Variants in MLIP observed in about 807,000 individuals in gnomAD.
MLIP encodes the protein muscular LMNA interacting protein.
A neutral mutation model predicts 84.8 loss-of-function variants in MLIP; 79 were observed. That is an observed-to-expected ratio of 0.93 (90% CI 0.78 to 1.12). MLIP has a LOEUF of 1.12. MLIP is among the 50% of genes most tolerant of loss of function. The probability of loss-of-function intolerance (pLI) is 0.00; values close to 1 mark genes in which losing one functional copy is unlikely to be tolerated. For synonymous variants in MLIP, 504 were observed against 463.0 expected (o/e 1.09, Z -1.14); for missense variants, 1,257 against 1,160.6 (o/e 1.08, Z -1.21).
chr6:54,110,816 A>G (rs181478000), upstream of MLIP, among the ~76,000 whole-genome samples: 14 of 152,368 alleles, frequency 9.2e-5, no homozygotes, highest in Admixed American at 7.8e-4. Context: ...TGCAGTCAGG[A>G]TTCTCACTGT....
intron 4 of MLIP, 81 bp from the exon 5 acceptor site, chr6:54,148,975 A>G: frequency 1.7e-6 from 2 of 1,155,162 alleles, no homozygotes; most frequent in South Asian, 2.6e-5. Context: ...GTATCATTTA[A>G]CTTGGTAGAA....
At chr6:54,213,907 C>T (rs959708734) in intron 11 of MLIP, among the ~76,000 whole-genome samples, 6 of 151,724 alleles carry the variant, frequency 4.0e-5, no homozygotes, top group African/African-American at 1.5e-4. Flanking sequence ...ATAATAAAAC[C>T]ATGGTCTATT....
chr6:54,184,054 G>A (rs905841662), intron 9 of MLIP, among the ~76,000 whole-genome samples: 2 of 152,076 alleles, frequency 1.3e-5, no homozygotes, highest in African/African-American at 4.8e-5. Flanking sequence ...TCAATGCCAA[G>A]CTTAGCACTC....
chr6:54,054,049 C>T (rs1375407353), intron 1 of MLIP, among the ~76,000 whole-genome samples: 2 of 152,166 alleles, frequency 1.3e-5, no homozygotes, highest in East Asian at 3.9e-4. Flanking sequence ...AGAAATGTAC[C>T]TATGTGCCAC....
At chr6:54,050,128 C>T (rs911932082) in intron 1 of MLIP, among the ~76,000 whole-genome samples, 1 of 151,996 alleles carries the variant, frequency 6.6e-6, no homozygotes, top group Non-Finnish European at 1.5e-5. Context: ...ATCTGAAGCT[C>T]TAGTGTCTAT....
intron 1 of MLIP, among the ~76,000 whole-genome samples, chr6:54,037,317 C>T (rs1764501634): frequency 6.6e-6 from 1 of 151,950 alleles, no homozygotes; most frequent in Non-Finnish European, 1.5e-5. Flanking sequence ...TCTTCTATGG[C>T]TTTCCTGGAC....
chr6:54,072,024 G>A (rs1025220038), intron 1 of MLIP, among the ~76,000 whole-genome samples: 2 of 152,070 alleles, frequency 1.3e-5, no homozygotes, highest in African/African-American at 4.8e-5. Context: ...TCAGAGAAAC[G>A]GATCATCCTG....
chr6:54,030,147 A>AGT (rs1254954653), intron 1 of MLIP, among the ~76,000 whole-genome samples: 1 of 152,230 alleles, frequency 6.6e-6, no homozygotes, highest in Admixed American at 6.5e-5. Context: ...CCCACTAGGA[A>AGT]GTGTGCCTTG....
intron 3 of MLIP, among the ~76,000 whole-genome samples, chr6:54,129,768 A>G (rs1771228202): frequency 6.6e-6 from 1 of 152,192 alleles, no homozygotes; most frequent in Non-Finnish European, 1.5e-5. Flanking sequence ...GTTCATGGCC[A>G]TCAGCTGGAT....
intron 1 of MLIP, among the ~76,000 whole-genome samples, chr6:54,086,001 C>G (rs1767462365): frequency 6.6e-6 from 1 of 152,128 alleles, no homozygotes; most frequent in Non-Finnish European, 1.5e-5. Flanking sequence ...CCCAGACCTG[C>G]CATGACAGCC....
intron 1 of MLIP, among the ~76,000 whole-genome samples, chr6:54,034,555 T>TA (rs1435318619): frequency 6.6e-6 from 1 of 152,030 alleles, no homozygotes; most frequent in Non-Finnish European, 1.5e-5. Flanking sequence ...TTTAAAAAGT[T>TA]AAAAAACATT....
chr6:54,217,919 AC>A, intron 11 of MLIP: 2 of 985,430 alleles, frequency 2.0e-6, no homozygotes, highest in Non-Finnish European at 2.4e-6. Flanking sequence ...AGTATTAGGT[AC>A]CAACCTCAAG....
chr6:54,168,772 A>G (rs1344682612), intron 8 of MLIP, among the ~76,000 whole-genome samples: 1 of 151,746 alleles, frequency 6.6e-6, no homozygotes, highest in African/African-American at 2.4e-5. Context: ...GTTTGTTTGA[A>G]AGAGTTTCTC....
chr6:54,157,802 A>G (rs1038879220), intron 5 of MLIP, among the ~76,000 whole-genome samples: 1 of 152,110 alleles, frequency 6.6e-6, no homozygotes, highest in Non-Finnish European at 1.5e-5. Context: ...CCTGCCAATC[A>G]TTTCTCATGA....
At chr6:54,046,521 A>G (rs932526063) in intron 1 of MLIP, 1 of 152,208 alleles carries the variant, frequency 6.6e-6, no homozygotes, top group Non-Finnish European at 1.5e-5. Flanking sequence ...CTACCTTTAA[A>G]CATGCTAATA....
intron 11 of MLIP, chr6:54,215,070 T>A: frequency 8.7e-7 from 1 of 1,146,074 alleles, no homozygotes. Flanking sequence ...CTCTGCCTTT[T>A]TGCTCCTATT....
chr6:54,132,342 G>A (rs1450900108), intron 3 of MLIP, among the ~76,000 whole-genome samples: 1 of 152,156 alleles, frequency 6.6e-6, no homozygotes, highest in African/African-American at 2.4e-5. Context: ...AAGTACATAG[G>A]TTATGGGGAA....
rs138693737 is a variant in MLIP at position 54,200,698 on chromosome 6, T to C, written c.2590-1407T>C. Among the ~76,000 whole-genome samples the C allele has an allele frequency of 3.8e-4, 57 of 149,724 alleles. 1 individual carries two copies. The East Asian group carries it at 9.5e-3, about 25-fold the overall frequency. The stretch of plus-strand genomic sequence containing the variant: ...CTCTATGGCATGACTTCATGCACAA[T>C]TGGATGTTACTTATTCATTTTTCCC... On this transcript the variant is annotated intron_variant, in intron 10 of 13. Transcript: ENST00000502396.
At chr6:54,094,245 T>A (rs967003911) in intron 1 of MLIP, among the ~76,000 whole-genome samples, 2 of 151,302 alleles carry the variant, frequency 1.3e-5, no homozygotes, top group African/African-American at 4.8e-5. Context: ...GTATCAAAAT[T>A]CATTTTCAAG....
Sources: allele counts gnomAD v4.1 joint callset (sites outside exome capture counted in the v4.1 genomes callset), GRCh38; gene constraint gnomAD v4.1.1; transcripts MANE v1.5; gene names NCBI Gene and HGNC (gene_info 2026-07-23, HGNC 2026-07-21).